Variants in CNKSR2 observed in about 807,000 individuals in gnomAD.
CNKSR2 encodes CNK homolog protein 2.
A neutral mutation model predicts 84.4 loss-of-function variants in CNKSR2; 14 were observed. That is an observed-to-expected ratio of 0.17 (90% CI 0.11 to 0.26). CNKSR2 has a LOEUF of 0.26. CNKSR2 is among the 10% of genes least tolerant of loss of function. The probability of loss-of-function intolerance (pLI) is 1.00; values close to 1 mark genes in which losing one functional copy is unlikely to be tolerated. For synonymous variants in CNKSR2, 275 were observed against 277.9 expected, an observed-to-expected ratio of 0.99 and a Z score of 0.10; for missense variants, 485 against 771.2, an observed-to-expected ratio of 0.63 and a Z score of 4.40.
intron 18 of CNKSR2, among the ~76,000 whole-genome samples, chrX:21,602,614 A>G (rs2092489928): frequency 8.9e-6 from 1 of 111,997 alleles, no homozygotes; most frequent in Non-Finnish European, 1.9e-5. Context: ...TTTGCAGGCC[A>G]TATAGTAGAG....
At chrX:21,423,763 A>G (rs758885356) in intron 1 of CNKSR2, 6 of 111,686 alleles carry the variant, frequency 5.4e-5, no homozygotes, top group Non-Finnish European at 1.1e-4. Context: ...TGGGTACTCT[A>G]CACAGTATTG....
chrX:21,589,543 C>G (rs769605002), intron 13 of CNKSR2, among the ~76,000 whole-genome samples: 1 of 112,041 alleles, frequency 8.9e-6, no homozygotes, highest in Non-Finnish European at 1.9e-5. Flanking sequence ...GCTGGCTGAT[C>G]ATGTGAATGT....
At chrX:21,465,840 A>G (rs1266696627) in intron 4 of CNKSR2, among the ~76,000 whole-genome samples, 5 of 111,582 alleles carry the variant, frequency 4.5e-5, no homozygotes, top group Non-Finnish European at 9.4e-5. Context: ...ATGGAGCATC[A>G]GTGGTAATAT....
intron 1 of CNKSR2, 197 bp from the exon 2 acceptor site, chrX:21,426,300 C>T (rs1412006190): frequency 1.3e-5 from 5 of 389,740 alleles, no homozygotes; most frequent in African/African-American, 2.7e-5. Flanking sequence ...CTAACAACTA[C>T]GAGTATGATG....
chrX:21,435,877 C>A (rs2090697778), intron 3 of CNKSR2, among the ~76,000 whole-genome samples: 1 of 110,750 alleles, frequency 9.0e-6, no homozygotes, highest in Non-Finnish European at 1.9e-5. Flanking sequence ...TATAAAATAC[C>A]TTTTTAAGGT....
At chrX:21,511,055 T>C (rs1022914015) in intron 8 of CNKSR2, among the ~76,000 whole-genome samples, 2 of 111,716 alleles carry the variant, frequency 1.8e-5, no homozygotes, top group African/African-American at 3.2e-5. Context: ...CACTACAAAA[T>C]ATTTTTCTGG....
intron 1 of CNKSR2, among the ~76,000 whole-genome samples, chrX:21,414,484 G>A (rs1008223980): frequency 9.1e-6 from 1 of 110,037 alleles, no homozygotes. Context: ...CCCTTGTCAG[G>A]TGGGTAGCTT....
At chrX:21,432,429 T>C (rs1195223372) in intron 2 of CNKSR2, among the ~76,000 whole-genome samples, 183 bp from the exon 3 acceptor site, 1 of 111,848 alleles carries the variant, frequency 8.9e-6, no homozygotes, top group Admixed American at 9.5e-5. Flanking sequence ...TTATAATTTC[T>C]TTATATGACA....
Position 21,591,145 on chromosome X carries a change from A to G in CNKSR2, c.1781A>G (p.Tyr594Cys). The change falls in exon 15 of 22, where the codon TAT becomes TGT. Residue 594 changes from tyrosine (Y) to cysteine (C), a missense_variant. Tyr to Cys is a radical substitution (Grantham distance 194, BLOSUM62 -2). This residue lies in a region of CNKSR2 where 30 missense variants were observed against 78.9 expected (regional missense o/e 0.38). Transcript: ENST00000379510. ...KSYFSQKWKK[Y>C]WFVLKDASLY... is the part of the protein sequence containing the mutation. ...TACTTTTCACAGAAATGGAAAAAAT[A>G]TTGGTTTGTCCTAAAGGATGCATCC... The G allele has an allele frequency of 8.3e-7, 1 of 1,209,709 alleles. No homozygotes were observed. The highest frequency in any genetic ancestry group is 1.1e-6 in the Non-Finnish European group (1 of 893,872).
At chrX:21,499,157 TA>T (rs2091533301) in intron 7 of CNKSR2, among the ~76,000 whole-genome samples, 1 of 112,005 alleles carries the variant, frequency 8.9e-6, no homozygotes, top group Non-Finnish European at 1.9e-5. Context: ...TAAATGCAGT[TA>T]AGATGCTACA....
chrX:21,404,757 C>G (rs2090239516), intron 1 of CNKSR2, among the ~76,000 whole-genome samples: 1 of 98,021 alleles, frequency 1.0e-5, no homozygotes, highest in African/African-American at 3.8e-5. Flanking sequence ...CCACTGTACT[C>G]CAGCCTGGGA....
At chrX:21,500,832 G>A (rs1257468882) in intron 7 of CNKSR2, among the ~76,000 whole-genome samples, 1 of 111,345 alleles carries the variant, frequency 9.0e-6, no homozygotes, top group Non-Finnish European at 1.9e-5. Flanking sequence ...TTACTGTCCA[G>A]TGTATTACAC....
Position 21,440,747 on chromosome X carries a change from A to G in CNKSR2, c.485A>G (p.Gln162Arg). ...TCAGTTACAAGAAATAATGTCATACAACTCTGCCTGGAGTTAACAACAATT... is the reference window on the plus strand; with the variant it reads ...TCAGTTACAAGAAATAATGTCATACGACTCTGCCTGGAGTTAACAACAATT... ...DYSVTRNNVI[Q>R]LCLELTTIVQ... The change falls in exon 4 of 22, where the codon CAA becomes CGA. Residue 162 changes from glutamine (Q) to arginine (R), a missense_variant. Transcript: ENST00000379510. 8.4e-7 allele frequency: 1 copy of G among 1,193,345 alleles called. No homozygotes were observed.
In CNKSR2 at chrX:21,509,029, ACT is replaced by A. The variant is rs751560327; in HGVS notation, c.810+7446_810+7447del. ...TGTTTGAGTTGCCTCTCTCTCTTGG[ACT>A]CTCTGTCCATCTTTAGCTGTGAGAA... is the stretch of plus-strand genomic sequence containing the variant. On this transcript the variant is annotated intron_variant, in intron 8 of 21. Transcript: ENST00000379510. Among the ~76,000 whole-genome samples, 443 of 110,078 alleles carry A rather than the reference ACT, an allele frequency of 4.0e-3. 1 individual carries two copies. The highest frequency in any genetic ancestry group is 5.8e-3 in the Non-Finnish European group (306 of 52,476).
intron 1 of CNKSR2, among the ~76,000 whole-genome samples, chrX:21,390,334 C>T (rs1045430273): frequency 9.0e-6 from 1 of 111,182 alleles, no homozygotes; most frequent in African/African-American, 3.3e-5. Context: ...AAGACCTACC[C>T]GAGACTGGGT....
chrX:21,471,001 AG>A (rs1352707062), intron 5 of CNKSR2, 194 bp downstream of exon 5: 1 of 195,990 alleles, frequency 5.1e-6, no homozygotes, highest in East Asian at 8.7e-5. Context: ...AGGAGAAAAA[AG>A]GTATAATATT....
At chrX:21,620,802 T>C (rs1262613495) in intron 20 of CNKSR2, among the ~76,000 whole-genome samples, 1 of 110,786 alleles carries the variant, frequency 9.0e-6, no homozygotes, top group Non-Finnish European at 1.9e-5. Context: ...ACAAGGAGGC[T>C]GATTTTAGAT....
At chrX:21,583,811 C>T (rs2092368511) in intron 13 of CNKSR2, among the ~76,000 whole-genome samples, 1 of 111,652 alleles carries the variant, frequency 9.0e-6, no homozygotes, top group South Asian at 3.8e-4. Context: ...CCTGCCCCCA[C>T]ACTTCTCCAT....
At chrX:21,376,003 G>A (rs1399772621) in intron 1 of CNKSR2, among the ~76,000 whole-genome samples, 1 of 111,900 alleles carries the variant, frequency 8.9e-6, no homozygotes, top group Admixed American at 9.4e-5. Context: ...ATGGAATAAA[G>A]GATGCGTGGC....
Sources: gnomAD v4.1 joint callset for allele counts (sites outside exome capture counted in the v4.1 genomes callset) on GRCh38, gnomAD v4.1.1 for gene constraint, gnomAD v4.1.1 regional missense constraint, MANE v1.5 for transcripts, NCBI Gene and HGNC (gene_info 2026-07-23, HGNC 2026-07-21) for gene names.